PRIM2: variants seen among roughly 807,000 people sequenced by gnomAD.
The protein encoded by PRIM2 is DNA primase large subunit.
Under a neutral mutation model 67.3 loss-of-function variants are expected in PRIM2, and 39 were observed. The ratio of observed to expected loss-of-function variants is 0.58; its 90% confidence interval spans 0.45 to 0.76. The LOEUF is 0.76. Among genes scored for constraint, PRIM2 ranks in the 30% least tolerant of loss-of-function variants. The pLI is 0.00. For synonymous variants in PRIM2, 143 were observed against 198.7 expected, an observed-to-expected ratio of 0.72 and a Z score of 2.36; for missense variants, 398 against 598.7, an observed-to-expected ratio of 0.66 and a Z score of 3.50.
chr6:57,504,678 G>A (rs1354285935), intron 7 of PRIM2, among the ~76,000 whole-genome samples: 1 of 152,074 alleles, frequency 6.6e-6, no homozygotes, highest in Admixed American at 6.6e-5. Flanking sequence ...TATGTGTCCG[G>A]TACATTGTTG....
intron 10 of PRIM2, among the ~76,000 whole-genome samples, chr6:57,549,070 T>TAA (rs1775349173): frequency 6.6e-6 from 1 of 152,198 alleles, no homozygotes. Flanking sequence ...TATGTCGAGT[T>TAA]TACTAATGAA....
chr6:57,436,354 G>T lies in PRIM2; in HGVS notation c.693+54186G>T, dbSNP rs74544562. Among the ~76,000 whole-genome samples the T allele has an allele frequency of 2.3e-3, 348 of 152,302 alleles. 2 individuals carry two copies. The highest frequency in any genetic ancestry group is 0.014 in the Middle Eastern group (4 of 294). On this transcript the variant is annotated intron_variant, in intron 7 of 13. Coordinates refer to ENST00000615550, the MANE Select transcript of PRIM2 (RefSeq NM_000947.5). ...CTAAGTCTCTTTCAGAACATAATGT[G>T]ATTTGTCAGTTGTCACACTTTGTGA...
At chr6:57,429,042 AC>A (rs1311382656) in intron 7 of PRIM2, among the ~76,000 whole-genome samples, 4 of 152,218 alleles carry the variant, frequency 2.6e-5, no homozygotes, top group Admixed American at 6.5e-5. Context: ...AGCCTTGGCA[AC>A]CATAATCTGT....
chr6:57,367,860 A>C (rs1430699034), intron 5 of PRIM2, among the ~76,000 whole-genome samples: 1 of 152,222 alleles, frequency 6.6e-6, no homozygotes, highest in African/African-American at 2.4e-5. Context: ...TGGGCCTGGC[A>C]GGGCATCACT....
intron 5 of PRIM2, among the ~76,000 whole-genome samples, chr6:57,376,901 C>G (rs1289199141): frequency 1.3e-5 from 2 of 151,952 alleles, no homozygotes; most frequent in Non-Finnish European, 2.9e-5. Context: ...TTTTTGAGAC[C>G]GAGTCTCGCC....
At chr6:57,636,225 G>A (rs1385595890) in intron 13 of PRIM2, among the ~76,000 whole-genome samples, 1 of 152,094 alleles carries the variant, frequency 6.6e-6, no homozygotes, top group Non-Finnish European at 1.5e-5. Context: ...AGTCACAGTA[G>A]ACAAAGTCAT....
At chr6:57,249,468 G>A in the PRIM2 span, among the ~76,000 whole-genome samples, 1 of 152,118 alleles carries the variant, frequency 6.6e-6, no homozygotes, top group Non-Finnish European at 1.5e-5. Flanking sequence ...TAGGTTGGGC[G>A]TGGTGGCTCA....
At chr6:57,418,384 T>G (rs9370603) in intron 7 of PRIM2, among the ~76,000 whole-genome samples, 3,002 of 11,236 alleles carry the variant, frequency 0.27, 553 homozygotes, top group African/African-American at 0.38. Context: ...ATGTGTGTGG[T>G]TTTTTTTTTT....
At chr6:57,536,008 A>G (rs1774994190) in intron 9 of PRIM2, among the ~76,000 whole-genome samples, 2 of 152,256 alleles carry the variant, frequency 1.3e-5, no homozygotes, top group African/African-American at 4.8e-5. Flanking sequence ...ATATGAAGGA[A>G]CAAAAATGGT....
At chr6:57,238,775 G>GCTC in the PRIM2 span, among the ~76,000 whole-genome samples, 1 of 152,166 alleles carries the variant, frequency 6.6e-6, no homozygotes, top group Non-Finnish European at 1.5e-5. Context: ...GAATCCAGGA[G>GCTC]CTGGTTTTTT....
At chr6:57,310,329 G>T (rs976738447), upstream of PRIM2, among the ~76,000 whole-genome samples, 1 of 152,210 alleles carries the variant, frequency 6.6e-6, no homozygotes. Context: ...TTAACCCTGA[G>T]TTGACACAGC....
At chr6:57,361,846 A>C (rs1396875780) in intron 5 of PRIM2, among the ~76,000 whole-genome samples, 2 of 152,216 alleles carry the variant, frequency 1.3e-5, no homozygotes, top group African/African-American at 2.4e-5. Context: ...AAACAGAACA[A>C]GGTAAAATAA....
At chr6:57,282,313 A>G in the PRIM2 span, among the ~76,000 whole-genome samples, 2 of 152,170 alleles carry the variant, frequency 1.3e-5, no homozygotes, top group African/African-American at 4.8e-5. Flanking sequence ...CTTTGAATTT[A>G]TTAATTCTCT....
At chr6:57,585,977 TTCTA>T (rs1776180530) in intron 10 of PRIM2, among the ~76,000 whole-genome samples, 2 of 152,184 alleles carry the variant, frequency 1.3e-5, no homozygotes, top group African/African-American at 2.4e-5. Context: ...TAGCTGTTCT[TTCTA>T]TCTAAGTCAC....
chr6:57,630,307 T>C (rs1292929548), intron 12 of PRIM2, among the ~76,000 whole-genome samples: 2 of 152,244 alleles, frequency 1.3e-5, no homozygotes, highest in Admixed American at 6.5e-5. Flanking sequence ...AAAATAAAAG[T>C]AAATTATTTT....
chr6:57,479,481 G>C (rs1773563581), intron 7 of PRIM2, among the ~76,000 whole-genome samples: 5 of 152,154 alleles, frequency 3.3e-5, no homozygotes, highest in African/African-American at 9.7e-5. Flanking sequence ...TTAACTGAGA[G>C]AGAACTAATT....
intron 13 of PRIM2, among the ~76,000 whole-genome samples, chr6:57,634,240 C>G (rs1212901176): frequency 2.0e-5 from 3 of 152,184 alleles, no homozygotes; most frequent in African/African-American, 7.2e-5. Flanking sequence ...GCATGGTAAA[C>G]AGGTAGGGAC....
At chr6:57,349,108 T>C (rs995480695) in intron 5 of PRIM2, among the ~76,000 whole-genome samples, 5 of 152,112 alleles carry the variant, frequency 3.3e-5, no homozygotes, top group Admixed American at 6.5e-5. Context: ...AAAACTAAAC[T>C]GTTTCTAATT....
At chr6:57,360,205 G>C (rs1309479658) in intron 5 of PRIM2, among the ~76,000 whole-genome samples, 1 of 152,156 alleles carries the variant, frequency 6.6e-6, no homozygotes, top group African/African-American at 2.4e-5. Flanking sequence ...CTGTGTAGGT[G>C]CTATGGGGGA....
Sources: allele counts gnomAD v4.1 joint callset (sites outside exome capture counted in the v4.1 genomes callset), GRCh38; gene constraint gnomAD v4.1.1; transcripts MANE v1.5; gene names NCBI Gene and HGNC (gene_info 2026-07-23, HGNC 2026-07-21).